Variants in DBNL observed in about 807,000 individuals in gnomAD.
The protein encoded by DBNL is drebrin like.
A neutral mutation model predicts 62.2 loss-of-function variants in DBNL; 35 were observed. The ratio of observed to expected loss-of-function variants is 0.56; its 90% confidence interval spans 0.43 to 0.75. The LOEUF (loss-of-function observed/expected upper bound fraction) is 0.75. Among genes scored for constraint, DBNL ranks in the 30% least tolerant of loss-of-function variants. The pLI, the probability that DBNL is intolerant of heterozygous loss-of-function variation, is 0.00. For missense variants in DBNL, 495 were observed against 578.4 expected (o/e 0.86, Z 1.48); for synonymous variants, 197 against 218.0 (o/e 0.90, Z 0.85).
At chr7:44,051,965 A>T in intron 3 of DBNL, 23 bp downstream of exon 3, 1 of 1,606,290 alleles carries the variant, frequency 6.2e-7, no homozygotes, top group Non-Finnish European at 8.5e-7. Context: ...TGTTTCATCT[A>T]GGTGTGACCC....
rs900307518 is a variant in DBNL at position 44,062,595 on chromosome 7, G to T, written c.*1679G>T. The stretch of plus-strand genomic sequence containing the variant: ...CTCAGTGTCCTGATGACTAGGTGTG[G>T]GTACTAGGCTCCTGCCCCTGGTGAC... On this transcript the variant is annotated 3_prime_UTR_variant, in exon 13 of 13. Coordinates refer to ENST00000448521, the MANE Select transcript of DBNL (RefSeq NM_001014436.3). 7.5e-6 allele frequency: 5 copies of T among 670,000 alleles called. No individual in the cohort carries two copies. Among genetic ancestry groups the T allele is most frequent in the Non-Finnish European group, 1.3e-5 (5 of 381,582 alleles). The allele number at this position is 670,000 out of a possible 1,614,324, so 41.5% of individuals were successfully genotyped here. A position where few individuals can be genotyped will look rare whatever the true frequency, so the allele number is the denominator to read the frequency against.
At position 44,055,372 on chromosome 7, in the gene DBNL, G is replaced by A. The variant is rs368512234; in HGVS notation, c.328-1385G>A. Among the ~76,000 whole-genome samples, 12 of 152,282 alleles carry A rather than the reference G, an allele frequency of 7.9e-5. No individual in the cohort carries two copies. The East Asian group carries it at 2.3e-3, about 29-fold the overall frequency. ...AATCCCAGCTACTCAGGAAGCTGAGGCAGAGAATCTCTTGAACCTGGGAGG... is the reference window on the plus strand; with the variant it reads ...AATCCCAGCTACTCAGGAAGCTGAGACAGAGAATCTCTTGAACCTGGGAGG... On this transcript the variant is annotated intron_variant, in intron 4 of 12. Coordinates refer to ENST00000448521, the MANE Select transcript of DBNL (RefSeq NM_001014436.3).
rs779792241 is a variant in DBNL, at chr7:44,065,402, T to C, written c.*4486T>C. The C allele has an allele frequency of 8.1e-6, 13 of 1,614,008 alleles. No homozygotes were observed. The highest frequency in any genetic ancestry group is 1.1e-5 in the South Asian group (1 of 91,088). Reference sequence around the variant, plus strand: ...CTCCATCTTGGCATCCTTGATGGCCTTGGCTCCCCGCTTGGCCTCCTCGGT... The same window carrying C: ...CTCCATCTTGGCATCCTTGATGGCCCTGGCTCCCCGCTTGGCCTCCTCGGT... On this transcript the variant is annotated 3_prime_UTR_variant, in exon 13 of 13. Coordinates refer to ENST00000448521, the MANE Select transcript of DBNL (RefSeq NM_001014436.3).
chr7:44,050,364 C>T (rs755791962), intron 2 of DBNL, 84 bp downstream of exon 2: 123 of 1,456,158 alleles, frequency 8.4e-5, no homozygotes, highest in African/African-American at 2.5e-4. Context: ...CTGTCTTGGT[C>T]CACTGAGCCA....
chr7:44,062,707 G>A lies in DBNL; in HGVS notation c.*1791G>A, dbSNP rs1397739649. 4.4e-6 allele frequency: 7 copies of A among 1,581,388 alleles called. No homozygotes were observed. Among genetic ancestry groups the A allele is most frequent in the East Asian group, 2.3e-5 (1 of 44,376 alleles). On this transcript the variant is annotated 3_prime_UTR_variant, in exon 13 of 13. Transcript: ENST00000448521. ...ATGGCGGTGTGAGCCTGGCATGCACGGCTGCGCTGGACTCCAGGCTGTTGG... is the reference window on the plus strand; with the variant it reads ...ATGGCGGTGTGAGCCTGGCATGCACAGCTGCGCTGGACTCCAGGCTGTTGG...
In DBNL at chr7:44,052,853, T is replaced by G; in HGVS notation, c.253-14T>G. On this transcript the variant is annotated splice_polypyrimidine_tract_variant and intron_variant, in intron 3 of 12. Transcript: ENST00000448521. ...GGGGAGGCCTGGGTCAACCTGGGCA[T>G]CCTTGTGTTGCAGACAGGCGAGGGC... is the stretch of plus-strand genomic sequence containing the variant. 1 of 1,613,802 alleles carries G rather than the reference T, an allele frequency of 6.2e-7. No homozygotes were observed. Among genetic ancestry groups the G allele is most frequent in the Non-Finnish European group, 8.5e-7 (1 of 1,179,964 alleles).
In DBNL at chr7:44,044,711, A is replaced by G. The variant is rs2096113528; in HGVS notation, c.-27A>G. 5 of 1,475,146 alleles carry G rather than the reference A, an allele frequency of 3.4e-6. No individual in the cohort carries two copies. Among genetic ancestry groups the G allele is most frequent in the Middle Eastern group, 3.6e-4 (2 of 5,624 alleles). 91.4% of individuals were successfully genotyped at this position (1,475,146 alleles called of 1,614,324 possible). On this transcript the variant is annotated 5_prime_UTR_variant, in exon 1 of 13. Coordinates refer to ENST00000448521, the MANE Select transcript of DBNL (RefSeq NM_001014436.3). ...CCCGGCCCGGCCCGGAAGCTACAGC[A>G]GCGGCGCGGAGACTGCGGGGCGGGC...
Position 44,064,783 on chromosome 7 carries a change from TG to T in DBNL, c.*3871del. Reference sequence around the variant, plus strand: ...GACTTTGCTGAGATGAGAAGCCAGCTGGGGCTGCTGCCCACCCACCCTGCCC... The same window carrying T: ...GACTTTGCTGAGATGAGAAGCCAGCTGGGCTGCTGCCCACCCACCCTGCCC... On this transcript the variant is annotated 3_prime_UTR_variant, in exon 13 of 13. Coordinates refer to ENST00000448521, the MANE Select transcript of DBNL (RefSeq NM_001014436.3). The T allele has an allele frequency of 2.0e-6, 3 of 1,466,150 alleles. No individual in the cohort carries two copies. The highest frequency in any genetic ancestry group is 9.3e-7 in the Non-Finnish European group (1 of 1,073,950). The allele number at this position is 1,466,150 out of a possible 1,614,324, so 90.8% of individuals were successfully genotyped here.
Position 44,058,230 on chromosome 7 carries a change from A to G in DBNL, c.654A>G (p.Ala218=), listed in dbSNP as rs757851309. The change falls in exon 7 of 13, where the codon GCA becomes GCG. Residue 218 remains alanine, a synonymous_variant. Coordinates refer to ENST00000448521, the MANE Select transcript of DBNL (RefSeq NM_001014436.3). ...ERRERELREA[A]RREQRYQEQG... is the part of the protein sequence containing the mutation. ...GGGAGCGTGAGCTGCGTGAGGCTGC[A>G]CGCCGGGAGCAGCGCTATCAGGAGC... 6.3e-7 allele frequency: 1 copy of G among 1,576,112 alleles called. No individual in the cohort carries two copies. The highest frequency in any genetic ancestry group is 8.6e-7 in the Non-Finnish European group (1 of 1,162,494).
In DBNL at chr7:44,059,338, T is replaced by C; in HGVS notation, c.836-16T>C. 4 of 1,613,408 alleles carry C rather than the reference T, an allele frequency of 2.5e-6. No homozygotes were observed. Among genetic ancestry groups the C allele is most frequent in the Middle Eastern group, 1.7e-4 (1 of 6,060 alleles). On this transcript the variant is annotated splice_polypyrimidine_tract_variant and intron_variant, in intron 9 of 12. Coordinates refer to ENST00000448521, the MANE Select transcript of DBNL (RefSeq NM_001014436.3). The surrounding 1 kb of genome is among the most constrained non-coding windows in gnomAD (Gnocchi z 4.1). ...GGTGTTTCTGAAGTGATGTATATAT[T>C]TACCCGGGTTTGCAGGCAAGCTGAG... is the stretch of plus-strand genomic sequence containing the variant.
At chr7:44,058,577 C>G (rs2096141457) in intron 8 of DBNL, 97 bp downstream of exon 8, 2 of 1,501,276 alleles carry the variant, frequency 1.3e-6, no homozygotes, top group Admixed American at 4.0e-5. Context: ...TGGGCAGAGG[C>G]TGCCCTGCAG....
At chr7:44,056,289 G>C (rs995933474) in intron 4 of DBNL, among the ~76,000 whole-genome samples, 4 of 152,104 alleles carry the variant, frequency 2.6e-5, no homozygotes. Flanking sequence ...ATGCTGTTTT[G>C]CTTACTGTAG....
At position 44,062,937 on chromosome 7, in the gene DBNL, C is replaced by T. The variant is rs372222997; in HGVS notation, c.*2021C>T. On this transcript the variant is annotated 3_prime_UTR_variant, in exon 13 of 13. Coordinates refer to ENST00000448521, the MANE Select transcript of DBNL (RefSeq NM_001014436.3). ...ATCGCCTGGTCTGACATCCCTATGC[C>T]GGAAGGAATAGGTGTCCTTAGCCCC... 7.9e-5 allele frequency: 127 copies of T among 1,614,126 alleles called. No individual in the cohort carries two copies. The highest frequency in any genetic ancestry group is 9.4e-5 in the Non-Finnish European group (111 of 1,179,994).
In DBNL at chr7:44,069,023, G is replaced by T. The variant is rs1010119113; in HGVS notation, c.*8107G>T. On this transcript the variant is annotated 3_prime_UTR_variant, in exon 13 of 13. Transcript: ENST00000448521. ...TAGTTTTGAAATAACTGTCACCCAA[G>T]AATTCTATATCCAGTAAAAATTTCT... 6.6e-6 allele frequency: 1 copy of T among 151,954 alleles called. No individual in the cohort carries two copies. Among genetic ancestry groups the T allele is most frequent in the South Asian group, 2.1e-4 (1 of 4,816 alleles). 9.4% of individuals were successfully genotyped at this position (151,954 alleles called of 1,614,324 possible). A position where few individuals can be genotyped will look rare whatever the true frequency, so the allele number is the denominator to read the frequency against.
chr7:44,064,618 G>A lies in DBNL; in HGVS notation c.*3702G>A. ...CCTCGGGACACAGCGAGCTTCGAGT[G>A]CAGTCAGCCCCTGTGGAGTGTGTCC... On this transcript the variant is annotated 3_prime_UTR_variant, in exon 13 of 13. Coordinates refer to ENST00000448521, the MANE Select transcript of DBNL (RefSeq NM_001014436.3). 1 of 589,652 alleles carries A rather than the reference G, an allele frequency of 1.7e-6. No individual in the cohort carries two copies. The highest frequency in any genetic ancestry group is 3.0e-6 in the Non-Finnish European group (1 of 329,754). The allele number at this position is 589,652 out of a possible 1,614,324, so 36.5% of individuals were successfully genotyped here.
intron 2 of DBNL, chr7:44,051,283 C>T (rs927408079): frequency 1.9e-5 from 3 of 155,268 alleles, no homozygotes; most frequent in African/African-American, 4.8e-5. Context: ...CTGTGCTCCC[C>T]CTGTCCCCAT....
intron 6 of DBNL, 21 bp from the exon 7 acceptor site, chr7:44,058,108 G>C: frequency 6.4e-7 from 1 of 1,552,124 alleles, no homozygotes; most frequent in South Asian, 1.2e-5. Flanking sequence ...AGGGCTGAGC[G>C]GGCAGTGGCT....
intron 1 of DBNL, 184 bp from the exon 2 acceptor site, chr7:44,050,041 T>C: frequency 1.7e-6 from 1 of 575,004 alleles, no homozygotes; most frequent in Non-Finnish European, 3.2e-6. Context: ...CTGAGAAGGC[T>C]GCACAGTTGC....
At position 44,059,651 on chromosome 7, in the gene DBNL, C is replaced by T; in HGVS notation, c.1040C>T (p.Pro347Leu). 1 of 1,602,556 alleles carries T rather than the reference C, an allele frequency of 6.2e-7. No homozygotes were observed. Among genetic ancestry groups the T allele is most frequent in the Non-Finnish European group, 8.5e-7 (1 of 1,178,754 alleles). The change falls in exon 11 of 13, where the codon CCC (proline) becomes CTC (leucine). Residue 347 changes from proline (P) to leucine (L), a missense_variant. Transcript: ENST00000448521. The surrounding 1 kb of genome is among the most constrained non-coding windows in gnomAD (Gnocchi z 4.1). The part of the protein sequence containing the change: ...PPEQETFYEQ[P>L]PLVQQQGAGS... ...GAGCAGGAGACCTTCTACGAGCAGC[C>T]CCCACTGGTGGGTTCCTACACTGGG...
Sources: gnomAD v4.1 joint callset for allele counts (sites outside exome capture counted in the v4.1 genomes callset) on GRCh38, gnomAD v4.1.1 for gene constraint, Gnocchi (gnomAD v3.1) non-coding constraint, MANE v1.5 for transcripts, NCBI Gene and HGNC (gene_info 2026-07-23, HGNC 2026-07-21) for gene names.